SHROOM3: variants seen among roughly 807,000 people sequenced by gnomAD.
The protein encoded by SHROOM3 is shroom family member 3, also known as protein Shroom3.
SHROOM3 carries 47 observed loss-of-function variants against 138.6 expected under a neutral mutation model. The observed-to-expected ratio is 0.34, with a 90% confidence interval of 0.27 to 0.43. The LOEUF is 0.43. Ranked by LOEUF, SHROOM3 falls within the 20% of genes least tolerant of loss-of-function variation. The pLI is 1.00. For missense variants in SHROOM3, 2,491 were observed against 2,596.5 expected (o/e 0.96, Z 0.88); for synonymous variants, 1,062 against 1,063.3 (o/e 1.00, Z 0.02).
intron 1 of SHROOM3, among the ~76,000 whole-genome samples, chr4:76,445,197 T>C (rs1034107621): frequency 1.3e-5 from 2 of 152,058 alleles, no homozygotes; most frequent in African/African-American, 2.4e-5. Flanking sequence ...CCAGCATAGG[T>C]AGGCAACTCA....
At chr4:76,454,726 A>T (rs549362589) in intron 1 of SHROOM3, among the ~76,000 whole-genome samples, 2 of 152,066 alleles carry the variant, frequency 1.3e-5, no homozygotes, top group Non-Finnish European at 2.9e-5. Flanking sequence ...TTTGATGGAG[A>T]TTACATTGAA....
chr4:76,602,118 AAGCCATCCAGG>A (rs1734519663), intron 2 of SHROOM3, among the ~76,000 whole-genome samples: 1 of 152,168 alleles, frequency 6.6e-6, no homozygotes, highest in Non-Finnish European at 1.5e-5. Context: ...GCCAAGTGTG[AAGCCATCCAGG>A]AGCAATTACA....
intron 1 of SHROOM3, among the ~76,000 whole-genome samples, chr4:76,527,791 A>G (rs1450019123): frequency 6.6e-6 from 1 of 152,164 alleles, no homozygotes; most frequent in African/African-American, 2.4e-5. Flanking sequence ...TCCTTTTCAC[A>G]ACTCGTGGAG....
intron 1 of SHROOM3, among the ~76,000 whole-genome samples, chr4:76,473,110 G>C (rs1454106108): frequency 6.6e-6 from 1 of 152,114 alleles, no homozygotes; most frequent in Non-Finnish European, 1.5e-5. Context: ...CAATATATAC[G>C]ATTTTTATTT....
intron 2 of SHROOM3, among the ~76,000 whole-genome samples, chr4:76,650,927 A>G (rs1238778389): frequency 2.6e-5 from 4 of 152,352 alleles, no homozygotes; most frequent in African/African-American, 7.2e-5. Flanking sequence ...TGGTACTTAT[A>G]CACAATGGAG....
intron 1 of SHROOM3, among the ~76,000 whole-genome samples, chr4:76,480,964 C>T (rs1182770507): frequency 2.0e-5 from 3 of 152,136 alleles, no homozygotes; most frequent in Non-Finnish European, 4.4e-5. Flanking sequence ...ACCAGAATCT[C>T]TGGGACACAG....
At chr4:76,515,754 A>G (rs528640332) in intron 1 of SHROOM3, among the ~76,000 whole-genome samples, 2 of 152,222 alleles carry the variant, frequency 1.3e-5, no homozygotes, top group Non-Finnish European at 2.9e-5. Flanking sequence ...GTCTGGGTGT[A>G]GACTTCCCAT....
chr4:76,487,188 A>G (rs1731749829), intron 1 of SHROOM3, among the ~76,000 whole-genome samples: 1 of 152,176 alleles, frequency 6.6e-6, no homozygotes, highest in Admixed American at 6.5e-5. Context: ...AGAACCATAT[A>G]CTGTGTGGCT....
chr4:76,695,822 A>C (rs1266070324), intron 2 of SHROOM3, among the ~76,000 whole-genome samples: 1 of 152,186 alleles, frequency 6.6e-6, no homozygotes, highest in Non-Finnish European at 1.5e-5. Context: ...GGCAGCCAGA[A>C]TCTCAGGACC....
intron 1 of SHROOM3, among the ~76,000 whole-genome samples, chr4:76,539,303 T>G (rs1301711663): frequency 6.6e-6 from 1 of 152,202 alleles, no homozygotes; most frequent in Non-Finnish European, 1.5e-5. Flanking sequence ...TATTTCTAGC[T>G]TCTATCATGT....
At position 76,740,143 on chromosome 4, in the gene SHROOM3, A is replaced by G. The variant is rs1311113381; in HGVS notation, c.1970A>G (p.Lys657Arg). 6.2e-7 allele frequency: 1 copy of G among 1,613,926 alleles called. No individual in the cohort carries two copies. The highest frequency in any genetic ancestry group is 8.5e-7 in the Non-Finnish European group (1 of 1,180,020). ...LGQSLSGNFG[K>R]TKSAFSSLQN... ...CAGAGCCTGTCAGGCAACTTTGGCAAGACCAAGTCAGCCTTCTCATCTCTC... is the reference window on the plus strand; with the variant it reads ...CAGAGCCTGTCAGGCAACTTTGGCAGGACCAAGTCAGCCTTCTCATCTCTC... Residue 657 changes from lysine to arginine, a missense_variant, in exon 5 of 11, where the codon AAG becomes AGG. By Grantham distance (26) the Lys-to-Arg change is conservative. This residue lies in a region of SHROOM3 where 1,733 missense variants were observed against 1,661.6 expected (regional missense o/e 1.04). Coordinates refer to ENST00000296043, the MANE Select transcript of SHROOM3 (RefSeq NM_020859.4). This position sits in a 1 kb window ranked among gnomAD's most constrained non-coding sequence, Gnocchi z 4.0.
rs1333600639 is a variant in SHROOM3, at chr4:76,629,614, G to C, written c.323+73851G>C. 3.3e-5 allele frequency among the ~76,000 whole-genome samples: 5 copies of C among 152,186 alleles called. No individual in the cohort carries two copies. The East Asian group carries it at 9.6e-4, about 29-fold the overall frequency. ...ACAGAGATGCTGGTGACTTGGACCT[G>C]GATCATAGCGAGGGAGATGGGAGAT... On this transcript the variant is annotated intron_variant, in intron 2 of 10. Transcript: ENST00000296043.
At chr4:76,733,188 A>G (rs945717363) in intron 4 of SHROOM3, among the ~76,000 whole-genome samples, 7 of 152,218 alleles carry the variant, frequency 4.6e-5, no homozygotes, top group Non-Finnish European at 7.3e-5. Context: ...AGTACTTAGA[A>G]TGACTGCTTA....
In SHROOM3 at chr4:76,435,429, A is replaced by G. The variant is rs1730543131; in HGVS notation, c.-624A>G. The stretch of plus-strand genomic sequence containing the variant: ...GAAACAAACTATGAACTGATTGTTG[A>G]AAAAAAGAAGTAAAAAGTTTTAGCA... On this transcript the variant is annotated 5_prime_UTR_variant, in exon 1 of 11. Transcript: ENST00000296043. 1 of 152,176 alleles carries G rather than the reference A, an allele frequency of 6.6e-6. No homozygotes were observed. The highest frequency in any genetic ancestry group is 1.5e-5 in the Non-Finnish European group (1 of 68,040). The allele number at this position is 152,176 out of a possible 1,614,324, so 9.4% of individuals were successfully genotyped here.
chr4:76,538,855 C>G (rs1035927597), intron 1 of SHROOM3, among the ~76,000 whole-genome samples: 7 of 152,138 alleles, frequency 4.6e-5, no homozygotes, highest in Non-Finnish European at 8.8e-5. Flanking sequence ...TCAATGAGTT[C>G]CCCAAGGACC....
intron 2 of SHROOM3, among the ~76,000 whole-genome samples, chr4:76,622,222 C>A (rs1225242127): frequency 6.6e-6 from 1 of 151,976 alleles, no homozygotes; most frequent in Non-Finnish European, 1.5e-5. Flanking sequence ...ACTCATTTTC[C>A]CCTAGGCACT....
intron 9 of SHROOM3, among the ~76,000 whole-genome samples, chr4:76,767,404 C>T (rs1293475856): frequency 2.0e-5 from 3 of 152,228 alleles, no homozygotes; most frequent in Non-Finnish European, 1.5e-5. Flanking sequence ...TCTGGCTGGG[C>T]GCGGTGGCTC....
intron 9 of SHROOM3, among the ~76,000 whole-genome samples, chr4:76,763,033 G>C (rs2110149966): frequency 6.6e-6 from 1 of 152,158 alleles, no homozygotes; most frequent in Non-Finnish European, 1.5e-5. Context: ...GATAAAGAAG[G>C]GTGCTTCAAG....
At chr4:76,483,422 A>C (rs1398297539) in intron 1 of SHROOM3, among the ~76,000 whole-genome samples, 10 of 152,270 alleles carry the variant, frequency 6.6e-5, no homozygotes, top group Non-Finnish European at 1.5e-4. Flanking sequence ...GTCATTAGAG[A>C]AATGCAAATC....
Sources: allele counts gnomAD v4.1 joint callset (sites outside exome capture counted in the v4.1 genomes callset), GRCh38; gene constraint gnomAD v4.1.1; regional missense constraint gnomAD v4.1.1; non-coding constraint Gnocchi (gnomAD v3.1); transcripts MANE v1.5; gene names NCBI Gene and HGNC (gene_info 2026-07-23, HGNC 2026-07-21).